Variants in BBX observed in about 807,000 individuals in gnomAD.
The protein encoded by BBX is HMG box transcription factor BBX.
In BBX, 30 loss-of-function variants were observed where a neutral mutation model predicts 100.2. The ratio of observed to expected loss-of-function variants is 0.30; its 90% confidence interval spans 0.22 to 0.41. BBX has a LOEUF of 0.41. Ranked by LOEUF, BBX falls within the 10% of genes least tolerant of loss-of-function variation. The pLI is 1.00. For missense variants in BBX, 1,023 were observed against 1,129.8 expected (o/e 0.91, Z 1.35); for synonymous variants, 376 against 388.1 (o/e 0.97, Z 0.37).
intron 4 of BBX, among the ~76,000 whole-genome samples, chr3:107,712,181 T>C (rs1203968936): frequency 6.6e-6 from 1 of 152,164 alleles, no homozygotes; most frequent in African/African-American, 2.4e-5. Flanking sequence ...CTGGCCCCTC[T>C]TTCTATTTCT....
At chr3:107,556,177 G>A (rs1418365674) in intron 2 of BBX, among the ~76,000 whole-genome samples, 3 of 152,120 alleles carry the variant, frequency 2.0e-5, no homozygotes, top group Non-Finnish European at 4.4e-5. Context: ...CTGCTGTCCT[G>A]TCAGGTTCTT....
At chr3:107,721,975 A>G (rs1237262788) in intron 5 of BBX, among the ~76,000 whole-genome samples, 2 of 151,972 alleles carry the variant, frequency 1.3e-5, no homozygotes, top group Non-Finnish European at 2.9e-5. Context: ...TATCTAAATG[A>G]TTATTATTTT....
intron 8 of BBX, among the ~76,000 whole-genome samples, chr3:107,746,719 G>A (rs2064635369): frequency 6.6e-6 from 1 of 151,980 alleles, no homozygotes; most frequent in East Asian, 1.9e-4. Context: ...CTCCCAAAGT[G>A]CTGGGATTAC....
intron 3 of BBX, among the ~76,000 whole-genome samples, chr3:107,668,024 G>T (rs2058837565): frequency 6.6e-6 from 1 of 152,076 alleles, no homozygotes; most frequent in Non-Finnish European, 1.5e-5. Flanking sequence ...GCCTGACTAG[G>T]TTTTATTAAA....
At chr3:107,613,530 T>C (rs1040051104) in intron 2 of BBX, among the ~76,000 whole-genome samples, 11 of 151,900 alleles carry the variant, frequency 7.2e-5, no homozygotes, top group African/African-American at 2.7e-4. Context: ...ATTGTACAGT[T>C]GAAAACTGTA....
intron 2 of BBX, among the ~76,000 whole-genome samples, chr3:107,635,401 A>G (rs1576103337): frequency 6.6e-6 from 1 of 152,340 alleles, no homozygotes; most frequent in East Asian, 1.9e-4. Context: ...CCACTTAAGT[A>G]TACTGCCATC....
chr3:107,621,975 TTGTG>T (rs2055805969), intron 2 of BBX, among the ~76,000 whole-genome samples: 1 of 152,220 alleles, frequency 6.6e-6, no homozygotes, highest in Non-Finnish European at 1.5e-5. Flanking sequence ...TACTGGCTTT[TTGTG>T]TGTATCATTC....
intron 2 of BBX, among the ~76,000 whole-genome samples, chr3:107,642,767 G>A (rs1308821723): frequency 6.6e-6 from 1 of 152,142 alleles, no homozygotes; most frequent in Non-Finnish European, 1.5e-5. Flanking sequence ...TAAATGGAGA[G>A]GCATGTGTAC....
intron 2 of BBX, among the ~76,000 whole-genome samples, chr3:107,557,764 T>C (rs2050187751): frequency 6.6e-6 from 1 of 152,250 alleles, no homozygotes; most frequent in Non-Finnish European, 1.5e-5. Flanking sequence ...TTTTAGTTAT[T>C]GTATGTAGTA....
chr3:107,703,075 T>G (rs2061180463), intron 3 of BBX, among the ~76,000 whole-genome samples: 2 of 152,208 alleles, frequency 1.3e-5, no homozygotes, highest in South Asian at 4.1e-4. Flanking sequence ...CTAATCTTCT[T>G]GTGTTTCAGC....
At chr3:107,594,457 C>T (rs554808770) in intron 2 of BBX, among the ~76,000 whole-genome samples, 13 of 152,234 alleles carry the variant, frequency 8.5e-5, no homozygotes, top group South Asian at 2.1e-4. Flanking sequence ...AGGTTGGTGA[C>T]GGCAGCGGAG....
chr3:107,606,547 A>G (rs908872217), intron 2 of BBX, among the ~76,000 whole-genome samples: 1 of 152,168 alleles, frequency 6.6e-6, no homozygotes, highest in Non-Finnish European at 1.5e-5. Flanking sequence ...TCTCTACCCC[A>G]GTATTTCCAA....
intron 2 of BBX, among the ~76,000 whole-genome samples, chr3:107,571,131 A>G (rs2051323395): frequency 6.6e-6 from 1 of 152,066 alleles, no homozygotes; most frequent in Non-Finnish European, 1.5e-5. Context: ...AGAAGGGGGA[A>G]TGGAGGGTGG....
At position 107,805,554 on chromosome 3, in the gene BBX, C is replaced by T. The variant is rs760078506; in HGVS notation, c.*97C>T. 6.2e-7 allele frequency: 1 copy of T among 1,600,216 alleles called. No individual in the cohort carries two copies. The highest frequency in any genetic ancestry group is 8.5e-7 in the Non-Finnish European group (1 of 1,171,538). ...GAGTCCAAGTGGTGGAAAATATAGA[C>T]TGCAAACAAGTGCTTGTTGCCCCAC... On this transcript the variant is annotated 3_prime_UTR_variant, in exon 18 of 18. Coordinates refer to ENST00000325805, the MANE Select transcript of BBX (RefSeq NM_001142568.3).
chr3:107,586,320 A>C (rs141995154), intron 2 of BBX, among the ~76,000 whole-genome samples: 1 of 152,202 alleles, frequency 6.6e-6, no homozygotes, highest in African/African-American at 2.4e-5. Context: ...TTTGTTGTAC[A>C]TACGTATTCT....
In BBX at chr3:107,529,706, T is replaced by C. The variant is rs139007096; in HGVS notation, c.-84+3308T>C. Reference sequence around the variant, plus strand: ...TTTTTGATTACAACTTCGCTCAATGTTCATATGTGATATTATCCTTTAGAA... The same window carrying C: ...TTTTTGATTACAACTTCGCTCAATGCTCATATGTGATATTATCCTTTAGAA... On this transcript the variant is annotated intron_variant, in intron 2 of 17. Transcript: ENST00000325805. 7.0e-3 allele frequency among the ~76,000 whole-genome samples: 1,060 copies of C among 152,354 alleles called. 15 individuals are homozygous for C. Among genetic ancestry groups the C allele is most frequent in the African/African-American group, 0.024 (983 of 41,590 alleles).
chr3:107,558,881 T>C (rs2050275694), intron 2 of BBX, among the ~76,000 whole-genome samples: 1 of 152,194 alleles, frequency 6.6e-6, no homozygotes, highest in South Asian at 2.1e-4. Flanking sequence ...CAAGGGATGA[T>C]TCAGAGAAAG....
intron 5 of BBX, among the ~76,000 whole-genome samples, chr3:107,724,332 A>G (rs1465407281): frequency 2.0e-5 from 3 of 152,094 alleles, no homozygotes; most frequent in African/African-American, 7.2e-5. Context: ...AGTAGATTGC[A>G]AAAATTTTCT....
intron 17 of BBX, among the ~76,000 whole-genome samples, chr3:107,805,025 C>G (rs2070942782): frequency 6.6e-6 from 1 of 152,130 alleles, no homozygotes; most frequent in African/African-American, 2.4e-5. Context: ...TTTCCCACTT[C>G]TTAAAGAGTT....
Sources: gnomAD v4.1 joint callset for allele counts (sites outside exome capture counted in the v4.1 genomes callset) on GRCh38, gnomAD v4.1.1 for gene constraint, MANE v1.5 for transcripts, NCBI Gene and HGNC (gene_info 2026-07-23, HGNC 2026-07-21) for gene names.